Variants in SASH1 observed in about 807,000 individuals in gnomAD.
SASH1 encodes SAM and SH3 domain containing 1, also known as SAM and SH3 domain-containing protein 1.
Under a neutral mutation model 125.2 loss-of-function variants are expected in SASH1, and 44 were observed. The ratio of observed to expected loss-of-function variants is 0.35; its 90% CI spans 0.28 to 0.45. The LOEUF (loss-of-function observed/expected upper bound fraction) is 0.45, where lower values mean the gene tolerates loss of function less well. Among genes scored for constraint, SASH1 ranks in the 20% least tolerant of loss-of-function variants. SASH1 has a pLI of 1.00. For synonymous variants in SASH1, 639 were observed against 649.1 expected (o/e 0.98, Z 0.24); for missense variants, 1,426 against 1,614.5 (o/e 0.88, Z 2.00).
At position 148,544,543 on chromosome 6, in the gene SASH1, A is replaced by G. The variant is rs781316287; in HGVS notation, c.3073A>G (p.Ser1025Gly). ...DAPCLPVKRG[S>G]PASPTSPSDC... ...GCCATGCCTGCCAGTGAAAAGGGGCAGCCCCGCCAGCCCCACCAGCCCTAG... is the reference window on the plus strand; with the variant it reads ...GCCATGCCTGCCAGTGAAAAGGGGCGGCCCCGCCAGCCCCACCAGCCCTAG... The change falls in exon 18 of 20, where the codon AGC becomes GGC. Residue 1025 changes from serine to glycine, a missense_variant. Physicochemically the swap from Ser to Gly is moderately conservative, Grantham distance 56. Transcript: ENST00000367467. The surrounding 1 kb of genome is among the most constrained non-coding windows in gnomAD (Gnocchi z 6.4). The G allele has an allele frequency of 4.7e-5, 75 of 1,612,790 alleles. No homozygotes were observed. Among genetic ancestry groups the G allele is most frequent in the Non-Finnish European group, 5.8e-5 (69 of 1,179,882 alleles).
At chr6:148,449,063 AATTTC>A (rs1332242224) in intron 4 of SASH1, among the ~76,000 whole-genome samples, 2 of 82,846 alleles carry the variant, frequency 2.4e-5, no homozygotes, top group Non-Finnish European at 5.1e-5. Flanking sequence ...GAGACTGGCT[AATTTC>A]ATTTCATTTC....
In SASH1 at chr6:148,436,463, C is replaced by T. The variant is rs191592741; in HGVS notation, c.286-3721C>T. ...AAGGCTGCAGTGAGCCATGATCTCG[C>T]CACTGAATTCCAGCCTGGGCAACAG... On this transcript the variant is annotated intron_variant, in intron 2 of 19. Transcript: ENST00000367467. 2.6e-5 allele frequency among the ~76,000 whole-genome samples: 4 copies of T among 151,724 alleles called. No homozygotes were observed. The East Asian group carries it at 7.8e-4, about 29-fold the overall frequency.
At position 148,378,770 on chromosome 6, in the gene SASH1, G is replaced by A. The variant is rs2114776377; in HGVS notation, c.157-11364G>A. 1.3e-5 allele frequency among the ~76,000 whole-genome samples: 2 copies of A among 152,296 alleles called. 1 individual carries two copies. The highest frequency in any genetic ancestry group is 4.1e-4 in the South Asian group (2 of 4,826). On this transcript the variant is annotated intron_variant, in intron 1 of 19. Transcript: ENST00000367467. ...AGTGGGTTTAGATCTTGTCTTCACT[G>A]TTCAGCCTCTTCCATGACAGAGGTG...
intron 1 of SASH1, among the ~76,000 whole-genome samples, chr6:148,287,193 A>C (rs932113598): frequency 1.3e-5 from 2 of 152,178 alleles, no homozygotes; most frequent in African/African-American, 4.8e-5. Flanking sequence ...TCAGCTCCTA[A>C]TGATGGCTTC....
At chr6:148,449,073 C>CT (rs1776949490) in intron 4 of SASH1, among the ~76,000 whole-genome samples, 4 of 45,404 alleles carry the variant, frequency 8.8e-5, no homozygotes, top group South Asian at 8.4e-4. Context: ...AATTTCATTT[C>CT]ATTTCTTTTT....
chr6:148,363,693 C>T (rs1279317492), intron 1 of SASH1, among the ~76,000 whole-genome samples: 1 of 151,958 alleles, frequency 6.6e-6, no homozygotes, highest in African/African-American at 2.4e-5. Context: ...AGCCACCACG[C>T]CCGGCCGATT....
Position 148,487,632 on chromosome 6 carries a change from C to G in SASH1, c.646C>G (p.Gln216Glu), listed in dbSNP as rs1174931940. ...ALARLKEYEAQHRQSAALDPA... is the reference protein window; with the variant it reads ...ALARLKEYEAEHRQSAALDPA... ...GTTACAGCTCAAGGAATACGAGGCC[C>G]AGCACCGGCAGTCGGCTGCCCTGGA... The change falls in exon 8 of 20, where the codon CAG becomes GAG. Residue 216 changes from glutamine (Q) to glutamate (E), a missense_variant. Gln to Glu is a conservative substitution (Grantham distance 29). Transcript: ENST00000367467. 6.2e-7 allele frequency: 1 copy of G among 1,613,328 alleles called. No homozygotes were observed. The highest frequency in any genetic ancestry group is 2.2e-5 in the East Asian group (1 of 44,794).
intron 1 of SASH1, among the ~76,000 whole-genome samples, chr6:148,346,224 A>C (rs1203747147): frequency 2.0e-5 from 3 of 152,168 alleles, no homozygotes; most frequent in Admixed American, 6.5e-5. Flanking sequence ...ACCCAGTGAA[A>C]GTATTGCCCC....
intron 1 of SASH1, among the ~76,000 whole-genome samples, chr6:148,308,785 A>G (rs548575296): frequency 1.3e-5 from 2 of 151,404 alleles, no homozygotes; most frequent in South Asian, 4.2e-4. Flanking sequence ...TTGTCAGTCC[A>G]TAAGATTCTC....
At chr6:148,266,812 A>G in the SASH1 span, among the ~76,000 whole-genome samples, 18 of 150,546 alleles carry the variant, frequency 1.2e-4, no homozygotes, top group Admixed American at 4.6e-4. Flanking sequence ...ATGTCTCACT[A>G]TGTTGCCCCA....
At chr6:148,266,845 C>T in the SASH1 span, among the ~76,000 whole-genome samples, 2 of 151,904 alleles carry the variant, frequency 1.3e-5, no homozygotes, top group African/African-American at 4.8e-5. Flanking sequence ...CTCCTAGGCT[C>T]AAGTGATCCT....
intron 1 of SASH1, among the ~76,000 whole-genome samples, chr6:148,385,517 TG>T (rs1783325898): frequency 6.6e-6 from 1 of 152,180 alleles, no homozygotes; most frequent in Non-Finnish European, 1.5e-5. Flanking sequence ...AGTTGACTGA[TG>T]GCTGGCCACT....
At chr6:148,547,663 G>A (rs1782647369) in intron 19 of SASH1, among the ~76,000 whole-genome samples, 1 of 152,156 alleles carries the variant, frequency 6.6e-6, no homozygotes, top group Non-Finnish European at 1.5e-5. Context: ...ATTCCTGGAA[G>A]ATGGTTTGCT....
the SASH1 span, among the ~76,000 whole-genome samples, chr6:148,209,809 T>C: frequency 1.3e-5 from 2 of 152,186 alleles, no homozygotes; most frequent in African/African-American, 4.8e-5. Context: ...CTCTCTGATC[T>C]TTCCCCTGTC....
intron 1 of SASH1, among the ~76,000 whole-genome samples, chr6:148,326,376 A>ACATACATTCTTTTCTTTTCTT (rs1554235371): frequency 5.2e-5 from 2 of 38,294 alleles, no homozygotes; most frequent in Non-Finnish European, 5.0e-5. Context: ...ATATATATAC[A>ACATACATTCTTTTCTTTTCTT]TTCTTTTCTT....
intron 1 of SASH1, among the ~76,000 whole-genome samples, chr6:148,311,094 CTT>C (rs1012867315): frequency 7.0e-6 from 1 of 143,536 alleles, no homozygotes; most frequent in African/African-American, 2.6e-5. Flanking sequence ...TTTTTCTTTT[CTT>C]TTTTTTTTTC....
chr6:148,324,569 T>C (rs1364384497), intron 1 of SASH1, among the ~76,000 whole-genome samples: 1 of 152,198 alleles, frequency 6.6e-6, no homozygotes, highest in Admixed American at 6.5e-5. Flanking sequence ...CACTCCAGCC[T>C]TATAGCCATT....
intron 16 of SASH1, among the ~76,000 whole-genome samples, chr6:148,539,097 T>C (rs1417904522): frequency 6.6e-6 from 1 of 152,038 alleles, no homozygotes; most frequent in Non-Finnish European, 1.5e-5. Context: ...TGCTGCTTTT[T>C]TTTTTTTTTC....
chr6:148,508,989 T>A, intron 8 of SASH1: 1 of 552,826 alleles, frequency 1.8e-6, no homozygotes, highest in South Asian at 1.5e-5. Flanking sequence ...CTTCTTAAAT[T>A]CCTCTAGATT....
Sources: allele counts gnomAD v4.1 joint callset (sites outside exome capture counted in the v4.1 genomes callset), GRCh38; gene constraint gnomAD v4.1.1; non-coding constraint Gnocchi (gnomAD v3.1); transcripts MANE v1.5; gene names NCBI Gene and HGNC (gene_info 2026-07-23, HGNC 2026-07-21).